The following DROSHA variants were observed in gnomAD, a reference collection of about 807,000 sequenced individuals.
DROSHA encodes ribonuclease 3.
In DROSHA, 56 loss-of-function variants were observed where a neutral mutation model predicts 181.9. The observed-to-expected ratio is 0.31, with a 90% CI of 0.25 to 0.38. DROSHA has a LOEUF of 0.38. DROSHA is among the 10% of genes least tolerant of loss of function. The pLI is 1.00. For missense variants in DROSHA, 1,218 were observed against 1,743.5 expected, an observed-to-expected ratio of 0.70 and a Z score of 5.37; for synonymous variants, 524 against 591.2, an observed-to-expected ratio of 0.89 and a Z score of 1.65.
chr5:31,468,119 T>C, intron 17 of DROSHA, 56 bp from the exon 18 acceptor site: 1 of 1,549,460 alleles, frequency 6.5e-7, no homozygotes, highest in Non-Finnish European at 8.8e-7. Flanking sequence ...TGTATTGACT[T>C]TAACCTAAGT....
At chr5:31,502,259 G>A (rs1313209423) in intron 11 of DROSHA, among the ~76,000 whole-genome samples, 1 of 152,222 alleles carries the variant, frequency 6.6e-6, no homozygotes, top group Non-Finnish European at 1.5e-5. Context: ...AAGCAGCCCT[G>A]CTGCTGGGGC....
intron 16 of DROSHA, among the ~76,000 whole-genome samples, chr5:31,479,858 A>C (rs144931314): frequency 6.6e-6 from 1 of 152,138 alleles, no homozygotes; most frequent in East Asian, 1.9e-4. Flanking sequence ...ATACCATACC[A>C]GGTGGAATTC....
In DROSHA at chr5:31,467,184, A is replaced by T. The variant is rs576103240; in HGVS notation, c.2366+755T>A. The T allele has an allele frequency of 3.3e-5, 5 of 151,550 alleles. No homozygotes were observed. In the East Asian group the frequency reaches 7.8e-4, roughly 24 times the overall value. 9.4% of individuals were successfully genotyped at this position (151,550 alleles called of 1,614,324 possible). On this transcript the variant is annotated intron_variant, in intron 18 of 35. Coordinates refer to ENST00000344624, the MANE Select transcript of DROSHA (RefSeq NM_001382508.1). ...GCTTCATACTTTTATCCAAAGGGGGAAAAAAAAGAACAAAACCCTTTAGCC... is the reference window on the plus strand; with the variant it reads ...GCTTCATACTTTTATCCAAAGGGGGTAAAAAAAGAACAAAACCCTTTAGCC...
intron 17 of DROSHA, 30 bp from the exon 18 acceptor site, chr5:31,468,093 C>T: frequency 6.3e-7 from 1 of 1,596,184 alleles, no homozygotes. Flanking sequence ...CCATTTATTC[C>T]CATAAGAAGT....
intron 6 of DROSHA, among the ~76,000 whole-genome samples, chr5:31,516,952 T>C (rs1298923329): frequency 1.3e-5 from 2 of 152,194 alleles, no homozygotes; most frequent in Non-Finnish European, 2.9e-5. Flanking sequence ...CCCAAATGCA[T>C]ACTTTTTAAG....
At position 31,508,651 on chromosome 5, in the gene DROSHA, A is replaced by T; in HGVS notation, c.1557T>A (p.His519Gln). ...CTGGATCGTTGTACCAAAGTTCATC[A>T]TGAAGTCGGTCAGGGTGGGCCTTTT... is the stretch of plus-strand genomic sequence containing the variant. ...KRKKAHPDRL[H>Q]DELWYNDPGQ... The change falls in exon 10 of 36, where the codon CAT (histidine) becomes CAA (glutamine). Residue 519 changes from histidine to glutamine, a missense_variant. By Grantham distance (24) the His-to-Gln change is conservative (BLOSUM62 0). Coordinates refer to ENST00000344624, the MANE Select transcript of DROSHA (RefSeq NM_001382508.1). 1 of 1,613,968 alleles carries T rather than the reference A, an allele frequency of 6.2e-7. No individual in the cohort carries two copies. The highest frequency in any genetic ancestry group is 8.5e-7 in the Non-Finnish European group (1 of 1,179,884).
At position 31,451,590 on chromosome 5, in the gene DROSHA, G is replaced by A. The variant is rs1240475934; in HGVS notation, c.2625C>T (p.Cys875=). ...VLTHHIRYHQ[C]LMHLDKLIGY... ...CTATCAACTTGTCCAAATGCATTAG[G>A]CATTGGTGGTAGCGGATATGATGGG... The change falls in exon 21 of 36, where the codon TGC becomes TGT. Residue 875 remains cysteine, a synonymous_variant. Coordinates refer to ENST00000344624, the MANE Select transcript of DROSHA (RefSeq NM_001382508.1). 6.2e-7 allele frequency: 1 copy of A among 1,613,040 alleles called. No homozygotes were observed. The highest frequency in any genetic ancestry group is 8.5e-7 in the Non-Finnish European group (1 of 1,179,532).
Position 31,421,871 on chromosome 5 carries a change from CAAAAAAA to C in DROSHA, c.3420-501_3420-495del, listed in dbSNP as rs70955711. On this transcript the variant is annotated intron_variant, in intron 29 of 35. Coordinates refer to ENST00000344624, the MANE Select transcript of DROSHA (RefSeq NM_001382508.1). ...GCAACATGAAGAAACCCCATCTCTA[CAAAAAAA>C]AAAAAAAAAAAAAAAAATATATATA... The C allele has an allele frequency of 7.2e-3, 183 of 25,466 alleles. 6 individuals carry two copies. The highest frequency in any genetic ancestry group is 0.031 in the African/African-American group (145 of 4,736). The allele number at this position is 25,466 out of a possible 1,614,324, so 1.6% of individuals were successfully genotyped here. A position where few individuals can be genotyped will look rare whatever the true frequency, so the allele number is the denominator to read the frequency against.
At chr5:31,481,725 A>C (rs1214981369) in intron 16 of DROSHA, among the ~76,000 whole-genome samples, 1 of 152,238 alleles carries the variant, frequency 6.6e-6, no homozygotes, top group Non-Finnish European at 1.5e-5. Context: ...GCCTGGACTG[A>C]GGAAAGAGTA....
chr5:31,439,527 G>A (rs1182215125), intron 23 of DROSHA, among the ~76,000 whole-genome samples: 4 of 152,110 alleles, frequency 2.6e-5, no homozygotes, highest in Non-Finnish European at 5.9e-5. Context: ...TGTTACATAG[G>A]TAAGCTGCAT....
intron 11 of DROSHA, among the ~76,000 whole-genome samples, chr5:31,496,730 G>A (rs1383752763): frequency 6.6e-6 from 1 of 152,212 alleles, no homozygotes; most frequent in African/African-American, 2.4e-5. Flanking sequence ...TTGACTGGGT[G>A]TTGAAGTCAT....
At chr5:31,404,885 C>T (rs914119503) in intron 35 of DROSHA, among the ~76,000 whole-genome samples, 1 of 152,064 alleles carries the variant, frequency 6.6e-6, no homozygotes, top group African/African-American at 2.4e-5. Flanking sequence ...TATGCAGCCA[C>T]TAAGAATGAA....
At chr5:31,428,150 TA>T (rs1743707539) in intron 27 of DROSHA, among the ~76,000 whole-genome samples, 1 of 151,880 alleles carries the variant, frequency 6.6e-6, no homozygotes, top group Admixed American at 6.6e-5. Context: ...AGAGGCAGTT[TA>T]AAGAGAAAAG....
At chr5:31,515,293 T>C (rs1208471806) in intron 7 of DROSHA, 74 bp from the exon 8 acceptor site, 35 of 1,487,198 alleles carry the variant, frequency 2.4e-5, no homozygotes, top group Non-Finnish European at 3.0e-5. Flanking sequence ...TTTCACCTAT[T>C]TGGTGCATTT....
chr5:31,451,522 A>C lies in DROSHA; in HGVS notation c.2682+11T>G, dbSNP rs776556716. On this transcript the variant is annotated intron_variant, in intron 21 of 35. Coordinates refer to ENST00000344624, the MANE Select transcript of DROSHA (RefSeq NM_001382508.1). ...TGTTATTATGTGAGTTTACAGGAGA[A>C]TAATTCTTACCTGCAACAGACAACG... The C allele has an allele frequency of 2.5e-6, 4 of 1,599,712 alleles. No individual in the cohort carries two copies. The highest frequency in any genetic ancestry group is 1.7e-5 in the Admixed American group (1 of 58,922).
At chr5:31,463,867 G>C (rs577952398) in intron 20 of DROSHA, among the ~76,000 whole-genome samples, 1 of 152,258 alleles carries the variant, frequency 6.6e-6, no homozygotes, top group Admixed American at 6.5e-5. Flanking sequence ...TTACGAGTCT[G>C]CTTGTATGGC....
chr5:31,436,741 AAC>A (rs58046266), intron 24 of DROSHA, among the ~76,000 whole-genome samples: 12,553 of 137,162 alleles, frequency 0.092, 475 homozygotes, highest in Non-Finnish European at 0.11. Context: ...TCTGGAGAGA[AAC>A]ACACACACAC....
chr5:31,486,601 T>C (rs534141778), intron 13 of DROSHA, 39 bp from the exon 14 acceptor site: 1 of 1,583,632 alleles, frequency 6.3e-7, no homozygotes, highest in South Asian at 1.1e-5. Flanking sequence ...CCCCAACGTC[T>C]CCCTGCAGGC....
intron 35 of DROSHA, among the ~76,000 whole-genome samples, chr5:31,405,337 T>C (rs912635680): frequency 1.3e-5 from 2 of 149,168 alleles, no homozygotes; most frequent in Non-Finnish European, 3.0e-5. Flanking sequence ...ATTGTGCCAC[T>C]GCACTCCAGC....
Sources: allele counts gnomAD v4.1 joint callset (sites outside exome capture counted in the v4.1 genomes callset), GRCh38; gene constraint gnomAD v4.1.1; transcripts MANE v1.5; gene names NCBI Gene and HGNC (gene_info 2026-07-23, HGNC 2026-07-21).